The following STAT2 variants were observed in gnomAD, a reference collection of about 807,000 sequenced individuals.
STAT2 encodes interferon alpha induced transcriptional activator.
Under a neutral mutation model 122.3 loss-of-function variants are expected in STAT2, and 51 were observed. The observed-to-expected ratio is 0.42, with a 90% CI of 0.33 to 0.53. The LOEUF (loss-of-function observed/expected upper bound fraction) is 0.53. STAT2 is among the 20% of genes least tolerant of loss of function. STAT2 has a pLI of 0.10. For missense variants in STAT2, 736 were observed against 1,010.3 expected (o/e 0.73, Z 3.68); for synonymous variants, 351 against 394.9 (o/e 0.89, Z 1.32).
In STAT2 at chr12:56,349,051, C is replaced by T. The variant is rs367592048; in HGVS notation, c.1449G>A (p.Gln483=). ...NLLSPNLQNQ[Q]FFSNPPKAPW... is the part of the protein sequence containing the mutation. ...GGGCCTTGGGGGGGTTGGAGAAGAA[C>T]TGCTGGTTCTGCAGGGGTGGGAGCA... Residue 483 remains glutamine, a synonymous_variant, in exon 17 of 24, where the codon CAG becomes CAA. Transcript: ENST00000314128. 17 of 1,612,994 alleles carry T rather than the reference C, an allele frequency of 1.1e-5. No homozygotes were observed. The highest frequency in any genetic ancestry group is 1.4e-5 in the Non-Finnish European group (16 of 1,179,436).
chr12:56,346,116 G>A (rs542186468), intron 22 of STAT2, 30 bp downstream of exon 22: 1 of 1,614,064 alleles, frequency 6.2e-7, no homozygotes, highest in East Asian at 2.2e-5. Flanking sequence ...AAAAGGATTA[G>A]GGAGGATGAA....
intron 22 of STAT2, among the ~76,000 whole-genome samples, chr12:56,345,720 C>G (rs576697003): frequency 6.8e-6 from 1 of 146,898 alleles, no homozygotes; most frequent in African/African-American, 2.5e-5. Context: ...CTCAGGAGGT[C>G]GAGGCTGCAG....
At chr12:56,345,976 T>C (rs1397634202) in intron 22 of STAT2, among the ~76,000 whole-genome samples, 170 bp downstream of exon 22, 1 of 151,822 alleles carries the variant, frequency 6.6e-6, no homozygotes, top group Non-Finnish European at 1.5e-5. Context: ...GAGACTGGAA[T>C]AGGGCAGCTT....
At chr12:56,343,594 GA>G in intron 23 of STAT2, 63 bp from the exon 24 acceptor site, 2 of 1,577,546 alleles carry the variant, frequency 1.3e-6, no homozygotes, top group Non-Finnish European at 1.7e-6. Flanking sequence ...ACCCAGCAGG[GA>G]AAGGGAGGGA....
chr12:56,348,157 G>A (rs1173262694), intron 19 of STAT2, among the ~76,000 whole-genome samples: 1 of 143,900 alleles, frequency 6.9e-6, no homozygotes, highest in Non-Finnish European at 1.5e-5. Flanking sequence ...ACGCAATCTC[G>A]GCTCACTGCA....
At position 56,348,957 on chromosome 12, in the gene STAT2, C is replaced by T; in HGVS notation, c.1543G>A (p.Asp515Asn). ...SSYVGRGLNSDQLSMLRNKLF... is the reference protein window; with the variant it reads ...SSYVGRGLNSNQLSMLRNKLF... ...TTGTTTCTCAGCATGCTCAGCTGGT[C>T]TGAGTTGAGGCCTCGGCCAACATAG... Residue 515 changes from aspartate (D) to asparagine (N), a missense_variant, in exon 17 of 24, where the codon GAC (aspartate) becomes AAC (asparagine). Coordinates refer to ENST00000314128, the MANE Select transcript of STAT2 (RefSeq NM_005419.4). The T allele has an allele frequency of 6.2e-7, 1 of 1,613,852 alleles. No individual in the cohort carries two copies. Among genetic ancestry groups the T allele is most frequent in the Non-Finnish European group, 8.5e-7 (1 of 1,179,910 alleles).
Position 56,351,200 on chromosome 12 carries a change from G to C in STAT2, c.942-10C>G. 6.2e-7 allele frequency: 1 copy of C among 1,612,684 alleles called. No homozygotes were observed. Among genetic ancestry groups the C allele is most frequent in the African/African-American group, 1.3e-5 (1 of 75,020 alleles). ...TTCTACCACAAAGGCTCTGAGGAGAGAGAGGTGTGGAGAGAATATATAGCT... is the reference window on the plus strand; with the variant it reads ...TTCTACCACAAAGGCTCTGAGGAGACAGAGGTGTGGAGAGAATATATAGCT... On this transcript the variant is annotated splice_polypyrimidine_tract_variant and intron_variant, in intron 9 of 23. Transcript: ENST00000314128.
intron 8 of STAT2, among the ~76,000 whole-genome samples, chr12:56,354,012 AAAAAATAT>A (rs1481806512): frequency 9.9e-5 from 2 of 20,112 alleles, no homozygotes; most frequent in South Asian, 8.3e-3. Context: ...AAAAAAAAAA[AAAAAATAT>A]ATATATATAT....
At chr12:56,348,423 C>T (rs1877875873) in intron 19 of STAT2, 106 bp downstream of exon 19, 4 of 1,150,834 alleles carry the variant, frequency 3.5e-6, no homozygotes, top group Non-Finnish European at 3.9e-6. Flanking sequence ...ACGTGGCCTG[C>T]ACCTGTCTTT....
At chr12:56,350,246 GC>G in intron 12 of STAT2, 56 bp from the exon 13 acceptor site, 1 of 1,435,314 alleles carries the variant, frequency 7.0e-7, no homozygotes. Context: ...TAAAAACTCA[GC>G]AGAAAAAAAA....
chr12:56,344,196 G>T (rs1877005875), intron 22 of STAT2, 61 bp from the exon 23 acceptor site: 1 of 1,505,086 alleles, frequency 6.6e-7, no homozygotes. Context: ...ATCAGGAATG[G>T]TAGAATAAGC....
rs1878001237 is a variant in STAT2, at chr12:56,349,019, C to T, written c.1481G>A (p.Ser494Asn). The change falls in exon 17 of 24, where the codon AGC becomes AAC. Residue 494 changes from serine (S) to asparagine (N), a missense_variant. Coordinates refer to ENST00000314128, the MANE Select transcript of STAT2 (RefSeq NM_005419.4). Reference sequence around the variant, plus strand: ...CCAACTGAGAGCAGGGCCCAGCAAGCTCCAGGGGGCCTTGGGGGGGTTGGA... The same window carrying T: ...CCAACTGAGAGCAGGGCCCAGCAAGTTCCAGGGGGCCTTGGGGGGGTTGGA... Reference protein sequence around the residue: ...FFSNPPKAPWSLLGPALSWQF... With the variant: ...FFSNPPKAPWNLLGPALSWQF... 1 of 1,613,824 alleles carries T rather than the reference C, an allele frequency of 6.2e-7. No individual in the cohort carries two copies. The highest frequency in any genetic ancestry group is 8.5e-7 in the Non-Finnish European group (1 of 1,179,864).
Position 56,355,496 on chromosome 12 carries a change from T to G in STAT2, c.418A>C (p.Ser140Arg), listed in dbSNP as rs758869093. ...GEPVLETPVE[S>R]QQHEIESRIL... ...CGGGATTCAATCTCATGTTGCTGGC[T>G]CTCCACAGGTGTTTCGAGAACTGGC... The change falls in exon 5 of 24, where the codon AGC (serine) becomes CGC (arginine). Residue 140 changes from serine to arginine, a missense_variant. Ser to Arg is a moderately radical substitution (Grantham distance 110). Coordinates refer to ENST00000314128, the MANE Select transcript of STAT2 (RefSeq NM_005419.4). The G allele has an allele frequency of 6.2e-7, 1 of 1,614,168 alleles. No individual in the cohort carries two copies. The highest frequency in any genetic ancestry group is 8.5e-7 in the Non-Finnish European group (1 of 1,180,022).
intron 22 of STAT2, 58 bp from the exon 23 acceptor site, chr12:56,344,193 A>C: frequency 6.6e-7 from 1 of 1,507,426 alleles, no homozygotes; most frequent in Admixed American, 2.1e-5. Flanking sequence ...GAAATCAGGA[A>C]TGGTAGAATA....
At chr12:56,355,598 T>G in intron 4 of STAT2, 66 bp from the exon 5 acceptor site, 1 of 1,601,790 alleles carries the variant, frequency 6.2e-7, no homozygotes, top group Non-Finnish European at 8.6e-7. Context: ...AGGCCTGAAA[T>G]TATACCACAG....
intron 1 of STAT2, among the ~76,000 whole-genome samples, chr12:56,357,507 A>AT (rs1191577755): frequency 6.0e-4 from 85 of 141,762 alleles, no homozygotes; most frequent in East Asian, 8.4e-4. Flanking sequence ...TGCCCGGCTG[A>AT]TTTTTTTTTT....
intron 14 of STAT2, 32 bp downstream of exon 14, chr12:56,349,557 C>T (rs1446618095): frequency 6.2e-7 from 1 of 1,614,134 alleles, no homozygotes; most frequent in Non-Finnish European, 8.5e-7. Context: ...TGGCAAGCTC[C>T]CCCTGCCTCG....
Position 56,354,499 on chromosome 12 carries a change from G to C in STAT2, c.749C>G (p.Pro250Arg). The C allele has an allele frequency of 6.2e-7, 1 of 1,614,206 alleles. No homozygotes were observed. The highest frequency in any genetic ancestry group is 8.5e-7 in the Non-Finnish European group (1 of 1,180,038). The part of the protein sequence containing the change: ...AQQQKACIRA[P>R]IDHGLEQLET... ...CAGCTGTTCCAACCCGTGGTCAATG[G>C]GAGCTCTGATGCAGGCTTTTTGCTG... is the stretch of plus-strand genomic sequence containing the variant. Residue 250 changes from proline (P) to arginine (R), a missense_variant, in exon 8 of 24, where the codon CCC (proline) becomes CGC (arginine). Transcript: ENST00000314128.
chr12:56,355,014 G>C (rs1879287901), intron 6 of STAT2, 151 bp from the exon 7 acceptor site: 3 of 815,334 alleles, frequency 3.7e-6, no homozygotes, highest in Admixed American at 2.6e-5. Context: ...GGCAAATTCT[G>C]AATGGTCATG....
Sources: gnomAD v4.1 joint callset for allele counts (sites outside exome capture counted in the v4.1 genomes callset) on GRCh38, gnomAD v4.1.1 for gene constraint, MANE v1.5 for transcripts, NCBI Gene and HGNC (gene_info 2026-07-23, HGNC 2026-07-21) for gene names.